Variants in BLNK observed in about 807,000 individuals in gnomAD.
The protein encoded by BLNK is B cell linker.
Under a neutral mutation model 73.5 loss-of-function variants are expected in BLNK, and 29 were observed. That is an observed-to-expected ratio of 0.39 (90% CI 0.29 to 0.54). The LOEUF (loss-of-function observed/expected upper bound fraction) is 0.54, where lower values mean the gene tolerates loss of function less well. Among genes scored for constraint, BLNK ranks in the 20% least tolerant of loss-of-function variants. The pLI is 0.61. For synonymous variants in BLNK, 176 were observed against 200.8 expected, an observed-to-expected ratio of 0.88 and a Z score of 1.04; for missense variants, 460 against 562.8, an observed-to-expected ratio of 0.82 and a Z score of 1.85.
Position 96,215,346 on chromosome 10 carries a change from G to A in BLNK, c.651C>T (p.Pro217=), listed in dbSNP as rs377748729. Residue 217 remains proline, a synonymous_variant, in exon 8 of 17, where the codon CCC becomes CCT. Transcript: ENST00000224337. ...NRSTKPNSST[P]ASPPGTASGR... ...CTGAAGCTGTTCCTGGAGGAGAGGCGGGCGTTGAGGAATTTGGCTTGGTTG... is the reference window on the plus strand; with the variant it reads ...CTGAAGCTGTTCCTGGAGGAGAGGCAGGCGTTGAGGAATTTGGCTTGGTTG... The A allele has an allele frequency of 1.5e-5, 24 of 1,613,948 alleles. No homozygotes were observed. The highest frequency in any genetic ancestry group is 1.1e-5 in the South Asian group (1 of 91,074).
At chr10:96,239,064 G>A (rs1842796662) in intron 3 of BLNK, 5 of 398,454 alleles carry the variant, frequency 1.3e-5, no homozygotes, top group Non-Finnish European at 2.2e-5. Context: ...TGTTGCAAAG[G>A]CTTAGAAGAT....
intron 5 of BLNK, among the ~76,000 whole-genome samples, chr10:96,224,575 C>A (rs2084275775): frequency 6.6e-6 from 1 of 152,228 alleles, no homozygotes; most frequent in Non-Finnish European, 1.5e-5. Context: ...GAAAAGGAGT[C>A]AGGCTCTAAG....
intron 1 of BLNK, among the ~76,000 whole-genome samples, chr10:96,250,981 TG>T (rs1843261563): frequency 1.3e-5 from 2 of 152,236 alleles, no homozygotes; most frequent in African/African-American, 4.8e-5. Context: ...TAAGGGTAAT[TG>T]GGAAACCCAT....
At chr10:96,264,519 T>A (rs1028410299) in intron 1 of BLNK, among the ~76,000 whole-genome samples, 10 of 152,006 alleles carry the variant, frequency 6.6e-5, no homozygotes, top group Non-Finnish European at 1.5e-4. Flanking sequence ...TCATTCCTAA[T>A]ATGCAGAACA....
At chr10:96,208,624 G>C (rs2083877663) in intron 9 of BLNK, among the ~76,000 whole-genome samples, 1 of 152,056 alleles carries the variant, frequency 6.6e-6, no homozygotes, top group African/African-American at 2.4e-5. Flanking sequence ...GTCTAATATT[G>C]GTAAGGTTGT....
At chr10:96,241,865 G>T (rs972258005) in intron 3 of BLNK, among the ~76,000 whole-genome samples, 2 of 151,838 alleles carry the variant, frequency 1.3e-5, no homozygotes, top group South Asian at 2.1e-4. Flanking sequence ...GGGACTACAG[G>T]TGCATGCCAC....
chr10:96,255,108 G>A (rs577939944), intron 1 of BLNK, among the ~76,000 whole-genome samples: 193 of 152,304 alleles, frequency 1.3e-3, no homozygotes, highest in Non-Finnish European at 2.2e-3. Flanking sequence ...GGCCAAGAGA[G>A]CACAAGGAGA....
In BLNK at chr10:96,200,671, A is replaced by G. The variant is rs1286800820; in HGVS notation, c.1011+311T>C. 6.6e-5 allele frequency among the ~76,000 whole-genome samples: 10 copies of G among 152,232 alleles called. No homozygotes were observed. Among genetic ancestry groups the G allele is most frequent in the African/African-American group, 2.4e-4 (10 of 41,460 alleles). On this transcript the variant is annotated intron_variant, in intron 14 of 16. Transcript: ENST00000224337. This position sits in a 1 kb window ranked among gnomAD's most constrained non-coding sequence, Gnocchi z 4.3. The stretch of plus-strand genomic sequence containing the variant: ...ACTGTGCTGTCTTATATGTGATTTA[A>G]TATCATCAGCCTCTACAGATCTATT...
chr10:96,246,285 G>T (rs1374152890), intron 2 of BLNK, among the ~76,000 whole-genome samples: 1 of 152,206 alleles, frequency 6.6e-6, no homozygotes, highest in Non-Finnish European at 1.5e-5. Flanking sequence ...GAGCGCAGTG[G>T]CTCTTGTCTG....
At chr10:96,215,526 C>T (rs150575725) in intron 7 of BLNK, 137 bp from the exon 8 acceptor site, 11 of 665,058 alleles carry the variant, frequency 1.7e-5, no homozygotes, top group Non-Finnish European at 2.8e-5. Flanking sequence ...TGGGAGACAC[C>T]CTTATTAGAC....
rs898577262 is a variant in BLNK at position 96,264,689 on chromosome 10, A to T, written c.47+6663T>A. Among the ~76,000 whole-genome samples, 4 of 152,344 alleles carry T rather than the reference A, an allele frequency of 2.6e-5. No homozygotes were observed. In the South Asian group the frequency reaches 6.2e-4, roughly 24 times the overall value. ...AAAGCCTACCCATCGGTTTCAAAAA[A>T]ATATATACACACTGGCCACAGGGAG... is the stretch of plus-strand genomic sequence containing the variant. On this transcript the variant is annotated intron_variant, in intron 1 of 16. Transcript: ENST00000224337.
chr10:96,260,304 T>G (rs1455654245), intron 1 of BLNK, among the ~76,000 whole-genome samples: 1 of 152,206 alleles, frequency 6.6e-6, no homozygotes, highest in Non-Finnish European at 1.5e-5. Flanking sequence ...ATTGTTCTGA[T>G]GAGGTGCTGA....
Position 96,237,484 on chromosome 10 carries a change from C to T in BLNK, c.163+5251G>A, listed in dbSNP as rs139776220. Among the ~76,000 whole-genome samples, 1,045 of 152,260 alleles carry T rather than the reference C, an allele frequency of 6.9e-3. 14 individuals carry two copies. Among genetic ancestry groups the T allele is most frequent in the African/African-American group, 0.024 (992 of 41,540 alleles). On this transcript the variant is annotated intron_variant, in intron 3 of 16. Transcript: ENST00000224337. ...GATGCCACCCCATCAGAGCCCTGGA[C>T]ATCAGAGCCCAAGAGTGCAAGAGAG... is the stretch of plus-strand genomic sequence containing the variant.
At chr10:96,218,302 C>T (rs1277377455) in intron 6 of BLNK, among the ~76,000 whole-genome samples, 3 of 152,044 alleles carry the variant, frequency 2.0e-5, no homozygotes, top group Admixed American at 6.6e-5. Flanking sequence ...CCTCTAACAA[C>T]ACAATAAGAG....
chr10:96,207,735 G>T, intron 10 of BLNK, 137 bp downstream of exon 10: 2 of 1,023,260 alleles, frequency 2.0e-6, no homozygotes, highest in Non-Finnish European at 3.0e-6. Context: ...AGCTTCTCTT[G>T]GACTGCTTGG....
chr10:96,201,118 C>T, intron 13 of BLNK, 60 bp from the exon 14 acceptor site: 4 of 1,427,886 alleles, frequency 2.8e-6, no homozygotes, highest in East Asian at 2.3e-5. Context: ...TCTTTCTATG[C>T]CTATCCCCTA....
At chr10:96,254,518 TTG>T in intron 1 of BLNK, among the ~76,000 whole-genome samples, 1 of 143,450 alleles carries the variant, frequency 7.0e-6, no homozygotes, top group African/African-American at 2.5e-5. Flanking sequence ...TTGTTTTGTT[TTG>T]TTTTTTTGAG....
intron 1 of BLNK, among the ~76,000 whole-genome samples, chr10:96,248,807 A>G (rs1027478166): frequency 6.6e-6 from 1 of 152,246 alleles, no homozygotes; most frequent in African/African-American, 2.4e-5. Flanking sequence ...CCTAAAAAAA[A>G]GAGGAATATA....
At chr10:96,204,700 C>A (rs114356183) in intron 11 of BLNK, 84 bp from the exon 12 acceptor site, 38 of 1,293,164 alleles carry the variant, frequency 2.9e-5, no homozygotes, top group Non-Finnish European at 4.0e-5. Flanking sequence ...CTGAGAAGAA[C>A]CAAATTTGAT....
Sources: allele counts gnomAD v4.1 joint callset (sites outside exome capture counted in the v4.1 genomes callset), GRCh38; gene constraint gnomAD v4.1.1; non-coding constraint Gnocchi (gnomAD v3.1); transcripts MANE v1.5; gene names NCBI Gene and HGNC (gene_info 2026-07-23, HGNC 2026-07-21).